MAP3K13: variants seen among roughly 807,000 people sequenced by gnomAD.
MAP3K13 encodes the protein mitogen-activated protein kinase kinase kinase 13.
MAP3K13 carries 52 observed loss-of-function variants against 104.0 expected under a neutral mutation model. That is an observed-to-expected ratio of 0.50 (90% CI 0.40 to 0.63). MAP3K13 has a LOEUF of 0.63. Among genes scored for constraint, MAP3K13 ranks in the 20% least tolerant of loss-of-function variants. The pLI is 0.00. For synonymous variants in MAP3K13, 394 were observed against 442.2 expected, an observed-to-expected ratio of 0.89 and a Z score of 1.37; for missense variants, 914 against 1,218.5, an observed-to-expected ratio of 0.75 and a Z score of 3.72.
Position 185,380,778 on chromosome 3 carries a change from T to G in MAP3K13, c.-86+17410T>G, listed in dbSNP as rs1447498471. The stretch of plus-strand genomic sequence containing the variant: ...TCAACATTTCTAATTAGCTCCCAAG[T>G]GATGCTAACGCTGCTGGTCCTAGGA... On this transcript the variant is annotated intron_variant, in intron 1 of 13. Transcript: ENST00000265026. Among the ~76,000 whole-genome samples, 6 of 152,198 alleles carry G rather than the reference T, an allele frequency of 3.9e-5. No individual in the cohort carries two copies. The East Asian group carries it at 1.2e-3, about 29-fold the overall frequency.
intron 1 of MAP3K13, among the ~76,000 whole-genome samples, chr3:185,376,268 G>A (rs1724426109): frequency 6.6e-6 from 1 of 152,180 alleles, no homozygotes; most frequent in Non-Finnish European, 1.5e-5. Context: ...TACAGCTGAA[G>A]AAGCCGGGGA....
rs185461902 is a variant in MAP3K13, at chr3:185,457,748, A to G, written c.1279-5802A>G. 8.7e-4 allele frequency among the ~76,000 whole-genome samples: 133 copies of G among 152,184 alleles called. 1 individual carries two copies. Among genetic ancestry groups the G allele is most frequent in the Non-Finnish European group, 1.6e-3 (111 of 68,008 alleles). On this transcript the variant is annotated intron_variant, in intron 7 of 13. Transcript: ENST00000265026. The stretch of plus-strand genomic sequence containing the variant: ...TTTCTCTTCTCCTTAAATAGCTCCA[A>G]ATCTGCTATTTTGCTACCTCCTAGA...
At chr3:185,428,254 A>G (rs1166605519) in intron 1 of MAP3K13, among the ~76,000 whole-genome samples, 1 of 152,090 alleles carries the variant, frequency 6.6e-6, no homozygotes, top group Non-Finnish European at 1.5e-5. Context: ...ATAAATTTCT[A>G]AGTTAATGTT....
At chr3:185,284,623 G>A (rs1423329674) in intron 1 of MAP3K13, among the ~76,000 whole-genome samples, 1 of 152,158 alleles carries the variant, frequency 6.6e-6, no homozygotes, top group Non-Finnish European at 1.5e-5. Context: ...GCTGAGGCGC[G>A]AGAATCGCTT....
At chr3:185,427,327 G>A (rs1714485077) in intron 1 of MAP3K13, among the ~76,000 whole-genome samples, 1 of 151,946 alleles carries the variant, frequency 6.6e-6, no homozygotes, top group Admixed American at 6.6e-5. Flanking sequence ...TCACACCACT[G>A]TACTCCAGTC....
At chr3:185,329,135 GA>G in intron 2 of MAP3K13, 2 of 669,258 alleles carry the variant, frequency 3.0e-6, no homozygotes, top group Non-Finnish European at 5.4e-6. Flanking sequence ...TTTTTTAATG[GA>G]AAAGAAAGCC....
upstream of MAP3K13, among the ~76,000 whole-genome samples, chr3:185,361,124 A>C (rs569450563): frequency 4.1e-5 from 6 of 145,018 alleles, no homozygotes; most frequent in Non-Finnish European, 6.0e-5. Flanking sequence ...GTGTGTGTGT[A>C]TACACACATA....
chr3:185,320,534 C>T (rs1001229648), intron 2 of MAP3K13, among the ~76,000 whole-genome samples: 1 of 152,210 alleles, frequency 6.6e-6, no homozygotes, highest in Admixed American at 6.5e-5. Context: ...ATTCAAATGA[C>T]ATCAGACTAG....
intron 1 of MAP3K13, among the ~76,000 whole-genome samples, chr3:185,394,859 A>C (rs1209878113): frequency 6.6e-6 from 1 of 152,228 alleles, no homozygotes. Context: ...GTAACATTAG[A>C]GAAGTTATTT....
chr3:185,377,830 G>C (rs1284557816), intron 1 of MAP3K13, among the ~76,000 whole-genome samples: 1 of 152,242 alleles, frequency 6.6e-6, no homozygotes, highest in Non-Finnish European at 1.5e-5. Context: ...GAAGATCTGG[G>C]AAGGGGCCTT....
Position 185,454,612 on chromosome 3 carries a change from TGATATATATATGA to T in MAP3K13, c.1278+3244_1278+3256del, listed in dbSNP as rs1388747709. ...TATATAGATATATATGAGATATATA[TGATATATATATGA>T]GATATATATATGAGATATATATATG... On this transcript the variant is annotated intron_variant, in intron 7 of 13. Coordinates refer to ENST00000265026, the MANE Select transcript of MAP3K13 (RefSeq NM_004721.5). Among the ~76,000 whole-genome samples the T allele has an allele frequency of 4.8e-4, 31 of 64,926 alleles. 2 individuals carry two copies. Among genetic ancestry groups the T allele is most frequent in the East Asian group, 1.7e-3 (5 of 2,928 alleles). 42.6% of individuals were successfully genotyped at this position (64,926 alleles called of 152,430 possible).
intron 2 of MAP3K13, among the ~76,000 whole-genome samples, chr3:185,305,565 C>T (rs750505105): frequency 1.3e-5 from 2 of 152,006 alleles, no homozygotes; most frequent in Non-Finnish European, 1.5e-5. Context: ...TCTGTATTTA[C>T]CTGTGTATTT....
At chr3:185,426,293 A>G (rs781597892) in intron 1 of MAP3K13, among the ~76,000 whole-genome samples, 13 of 152,012 alleles carry the variant, frequency 8.6e-5, no homozygotes, top group Non-Finnish European at 1.8e-4. Context: ...TGCTGGCCAG[A>G]CTGGTCTCGA....
At chr3:185,359,367 T>A (rs186476675), upstream of MAP3K13, among the ~76,000 whole-genome samples, 614 of 152,292 alleles carry the variant, frequency 4.0e-3, 2 homozygotes, top group Non-Finnish European at 7.2e-3. Context: ...GGATTACAAT[T>A]CAAGATGAGA....
At chr3:185,298,542 G>A (rs2108677939) in intron 2 of MAP3K13, among the ~76,000 whole-genome samples, 1 of 152,148 alleles carries the variant, frequency 6.6e-6, no homozygotes, top group South Asian at 2.1e-4. Flanking sequence ...TATGTTTATT[G>A]AATTTACTTT....
chr3:185,284,234 T>C (rs1236902188), intron 1 of MAP3K13, among the ~76,000 whole-genome samples: 1 of 152,156 alleles, frequency 6.6e-6, no homozygotes, highest in Admixed American at 6.5e-5. Context: ...AAATATGTTA[T>C]AATTGAGAAT....
At chr3:185,371,028 A>G (rs1054273995) in intron 1 of MAP3K13, among the ~76,000 whole-genome samples, 1 of 152,184 alleles carries the variant, frequency 6.6e-6, no homozygotes, top group Admixed American at 6.5e-5. Flanking sequence ...AAATATTATA[A>G]CCAGCCTTTG....
At chr3:185,291,612 G>GCAT in intron 2 of MAP3K13, 1 of 1,511,894 alleles carries the variant, frequency 6.6e-7, no homozygotes, top group Non-Finnish European at 8.8e-7. Flanking sequence ...TTGTTTTCAA[G>GCAT]CATCAAGTAC....
chr3:185,447,175 C>G (rs1347876289), intron 4 of MAP3K13, among the ~76,000 whole-genome samples: 1 of 152,066 alleles, frequency 6.6e-6, no homozygotes, highest in Non-Finnish European at 1.5e-5. Context: ...CTCCATCCTA[C>G]ACATGAGAAA....
Sources: gnomAD v4.1 joint callset for allele counts (sites outside exome capture counted in the v4.1 genomes callset) on GRCh38, gnomAD v4.1.1 for gene constraint, MANE v1.5 for transcripts, NCBI Gene and HGNC (gene_info 2026-07-23, HGNC 2026-07-21) for gene names.